Variants in PCSK9 observed in about 807,000 individuals in gnomAD.
PCSK9 encodes the protein convertase subtilisin/kexin type 9 preproprotein.
A neutral mutation model predicts 62.1 loss-of-function variants in PCSK9; 57 were observed. The observed-to-expected ratio is 0.92, with a 90% CI of 0.74 to 1.14. The LOEUF (loss-of-function observed/expected upper bound fraction) is 1.14, where lower values mean the gene tolerates loss of function less well. Among genes scored for constraint, PCSK9 ranks in the 50% most tolerant of loss-of-function variants. The pLI is 0.00. For missense variants in PCSK9, 870 were observed against 959.8 expected (o/e 0.91, Z 1.24); for synonymous variants, 387 against 409.4 (o/e 0.95, Z 0.66).
At chr1:55,060,510 C>T (rs1644751069) in intron 10 of PCSK9, among the ~76,000 whole-genome samples, 1 of 152,276 alleles carries the variant, frequency 6.6e-6, no homozygotes, top group African/African-American at 2.4e-5. Context: ...GAAAGATGAG[C>T]ATAGTCAGGT....
At position 55,058,107 on chromosome 1, in the gene PCSK9, T is replaced by C. The variant is rs1178332923; in HGVS notation, c.1252T>C (p.Phe418Leu). The stretch of plus-strand genomic sequence containing the variant: ...CGAGTTGAGGCAGAGACTGATCCAC[T>C]TCTCTGCCAAAGATGTCATCAATGA... ...LAELRQRLIH[F>L]SAKDVINEAW... is the part of the protein sequence containing the mutation. The change falls in exon 8 of 12, where the codon TTC (phenylalanine) becomes CTC (leucine). Residue 418 changes from phenylalanine (F) to leucine (L), a missense_variant. Phe to Leu is a conservative substitution (Grantham distance 22, BLOSUM62 0). Transcript: ENST00000302118. 1 of 1,613,514 alleles carries C rather than the reference T, an allele frequency of 6.2e-7. No individual in the cohort carries two copies. The highest frequency in any genetic ancestry group is 8.5e-7 in the Non-Finnish European group (1 of 1,180,012).
intron 3 of PCSK9, among the ~76,000 whole-genome samples, chr1:55,049,374 C>T (rs28362229): frequency 6.6e-6 from 1 of 152,226 alleles, no homozygotes; most frequent in African/African-American, 2.4e-5. Context: ...AGGCGTATGG[C>T]AGGGCTGCCT....
At chr1:55,050,106 C>G (rs1001127561) in intron 3 of PCSK9, among the ~76,000 whole-genome samples, 1 of 152,368 alleles carries the variant, frequency 6.6e-6, no homozygotes, top group East Asian at 1.9e-4. Context: ...TCTAGATAAG[C>G]CTGTATTCCC....
chr1:55,050,866 T>G, intron 3 of PCSK9: 1 of 317,488 alleles, frequency 3.1e-6, no homozygotes. Flanking sequence ...TCTTTGTAGA[T>G]GTAATTAAGC....
At position 55,046,797 on chromosome 1, in the gene PCSK9, A is replaced by C. The variant is rs1644638553; in HGVS notation, c.523+151A>C. On this transcript the variant is annotated intron_variant, in intron 3 of 11. Transcript: ENST00000302118. ...ACCCCTTTTTTTCTGTCCCATCCCC[A>C]TCCCCTGCAGCCCCCACTGCCTGCC... The C allele has an allele frequency of 2.0e-5, 17 of 833,464 alleles. No individual in the cohort carries two copies. The East Asian group carries it at 4.5e-4, about 22-fold the overall frequency. 51.6% of individuals were successfully genotyped at this position (833,464 alleles called of 1,614,324 possible). A position where few individuals can be genotyped will look rare whatever the true frequency, so the allele number is the denominator to read the frequency against.
rs1367103910 is a variant in PCSK9 at position 55,039,584 on chromosome 1, C to T, written c.-254C>T. 20 of 582,840 alleles carry T rather than the reference C, an allele frequency of 3.4e-5. No individual in the cohort carries two copies. The highest frequency in any genetic ancestry group is 5.2e-5 in the Non-Finnish European group (17 of 329,104). The allele number at this position is 582,840 out of a possible 1,614,324, so 36.1% of individuals were successfully genotyped here. On this transcript the variant is annotated 5_prime_UTR_variant, in exon 1 of 12. Coordinates refer to ENST00000302118, the MANE Select transcript of PCSK9 (RefSeq NM_174936.4). ...GGCGCTCATGGTTGCAGGCGGGCGC[C>T]GCCGTTCAGTTCAGGGTCTGAGCCT...
chr1:55,042,670 G>A (rs528201725), intron 1 of PCSK9, among the ~76,000 whole-genome samples: 1 of 152,332 alleles, frequency 6.6e-6, no homozygotes, highest in South Asian at 2.1e-4. Context: ...TCATGAGGCT[G>A]TGGGGAGCCA....
rs1644582740 is a variant in PCSK9, at chr1:55,039,701, G to T, written c.-137G>T. The T allele has an allele frequency of 4.9e-6, 5 of 1,020,720 alleles. No individual in the cohort carries two copies. The African/African-American group carries it at 8.0e-5, about 16-fold the overall frequency. 63.2% of individuals were successfully genotyped at this position (1,020,720 alleles called of 1,614,324 possible). ...CCAGCTCCCAGCCAGGATTCCGCGCGCCCCTTCACGCGCCCTGCTCCTGAA... is the reference window on the plus strand; with the variant it reads ...CCAGCTCCCAGCCAGGATTCCGCGCTCCCCTTCACGCGCCCTGCTCCTGAA... On this transcript the variant is annotated 5_prime_UTR_variant, in exon 1 of 12. Coordinates refer to ENST00000302118, the MANE Select transcript of PCSK9 (RefSeq NM_174936.4).
Position 55,063,488 on chromosome 1 carries a change from C to CA in PCSK9, c.1984dup (p.Ser662LysfsTer49). The stretch of plus-strand genomic sequence containing the variant: ...CGTGTGTAGTCAGGAGCCGGGACGT[C>CA]AGCACTACAGGCAGCACCAGCGAAG... On this transcript the variant is annotated frameshift_variant, in exon 12 of 12. Transcript: ENST00000302118. LOFTEE classifies it low-confidence loss of function (END_TRUNC). 1 of 1,613,986 alleles carries CA rather than the reference C, an allele frequency of 6.2e-7. No homozygotes were observed. The highest frequency in any genetic ancestry group is 8.5e-7 in the Non-Finnish European group (1 of 1,179,888).
chr1:55,050,334 A>G (rs2100289838), intron 3 of PCSK9, among the ~76,000 whole-genome samples: 1 of 152,286 alleles, frequency 6.6e-6, no homozygotes, highest in South Asian at 2.1e-4. Context: ...AGCCCAGCTC[A>G]ATATCTAGTG....
Position 55,064,496 on chromosome 1 carries a change from T to TAAC in PCSK9, c.*914_*916dup, listed in dbSNP as rs1279029711. The TAAC allele has an allele frequency of 1.3e-5, 2 of 152,112 alleles. No homozygotes were observed. The highest frequency in any genetic ancestry group is 4.8e-5 in the African/African-American group (2 of 41,386). The allele number at this position is 152,112 out of a possible 1,614,324, so 9.4% of individuals were successfully genotyped here. A position where few individuals can be genotyped will look rare whatever the true frequency, so the allele number is the denominator to read the frequency against. On this transcript the variant is annotated 3_prime_UTR_variant, in exon 12 of 12. Coordinates refer to ENST00000302118, the MANE Select transcript of PCSK9 (RefSeq NM_174936.4). ...CGGCTGGGCTCCTCATTTTTACGGG[T>TAAC]AACAGTGAGGCTGGGAAGGGGAACA...
intron 3 of PCSK9, chr1:55,050,860 T>C (rs532835056): frequency 9.4e-6 from 3 of 319,196 alleles, no homozygotes; most frequent in East Asian, 1.1e-4. Context: ...AAAAGGTCTT[T>C]GTAGATGTAA....
chr1:55,046,569 T>A lies in PCSK9; in HGVS notation c.446T>A (p.Val149Asp). The change falls in exon 3 of 12, where the codon GTC (valine) becomes GAC (aspartate). Residue 149 changes from valine (V) to aspartate (D), a missense_variant. Physicochemically the swap from Val to Asp is radical, Grantham distance 152. Coordinates refer to ENST00000302118, the MANE Select transcript of PCSK9 (RefSeq NM_174936.4). The stretch of plus-strand genomic sequence containing the variant: ...GACTACATCGAGGAGGACTCCTCTG[T>A]CTTTGCCCAGAGCATCCCGTGGAAC... ...HVDYIEEDSS[V>D]FAQSIPWNLE... 6.2e-7 allele frequency: 1 copy of A among 1,614,132 alleles called. No homozygotes were observed.
Position 55,059,649 on chromosome 1 carries a change from G to A in PCSK9, c.1667G>A (p.Gly556Asp). 2 of 1,550,900 alleles carry A rather than the reference G, an allele frequency of 1.3e-6. No homozygotes were observed. Among genetic ancestry groups the A allele is most frequent in the South Asian group, 2.4e-5 (2 of 84,044 alleles). ...MGTRVHCHQQ[G>D]HVLTGCSSHW... Reference sequence around the variant, plus strand: ...ACCCGTGTCCACTGCCACCAACAGGGCCACGTCCTCACAGGTAGGAGGCTG... The same window carrying A: ...ACCCGTGTCCACTGCCACCAACAGGACCACGTCCTCACAGGTAGGAGGCTG... Residue 556 changes from glycine to aspartate, a missense_variant, in exon 10 of 12, where the codon GGC becomes GAC. Transcript: ENST00000302118.
At position 55,063,825 on chromosome 1, in the gene PCSK9, G is replaced by T; in HGVS notation, c.*241G>T. Reference sequence around the variant, plus strand: ...CCAGGAAGCTCCCTCCCTCACTGTGGGGCATTTCACCATTCAAACAGGTCG... The same window carrying T: ...CCAGGAAGCTCCCTCCCTCACTGTGTGGCATTTCACCATTCAAACAGGTCG... On this transcript the variant is annotated 3_prime_UTR_variant, in exon 12 of 12. Coordinates refer to ENST00000302118, the MANE Select transcript of PCSK9 (RefSeq NM_174936.4). The T allele has an allele frequency of 1.7e-6, 1 of 582,728 alleles. No individual in the cohort carries two copies. Among genetic ancestry groups the T allele is most frequent in the Non-Finnish European group, 3.1e-6 (1 of 327,842 alleles). The allele number at this position is 582,728 out of a possible 1,614,324, so 36.1% of individuals were successfully genotyped here.
At position 55,063,572 on chromosome 1, in the gene PCSK9, G is replaced by C. The variant is rs779635493; in HGVS notation, c.2067G>C (p.Gln689His). ...GCCGGCACCTGGCGCAGGCCTCCCA[G>C]GAGCTCCAGTGACAGCCCCATCCCA... is the stretch of plus-strand genomic sequence containing the variant. ...CRSRHLAQAS[Q>H]ELQ is the part of the protein sequence containing the mutation. Residue 689 changes from glutamine (Q) to histidine (H), a missense_variant, in exon 12 of 12, where the codon CAG becomes CAC. Transcript: ENST00000302118. 3 of 1,611,976 alleles carry C rather than the reference G, an allele frequency of 1.9e-6. No individual in the cohort carries two copies. Among genetic ancestry groups the C allele is most frequent in the Non-Finnish European group, 2.5e-6 (3 of 1,179,772 alleles).
intron 6 of PCSK9, among the ~76,000 whole-genome samples, chr1:55,056,577 T>G (rs1295638611): frequency 2.0e-5 from 3 of 152,204 alleles, no homozygotes; most frequent in Admixed American, 2.0e-4. Flanking sequence ...GCCTCCCTGT[T>G]GTCCAGCTCT....
At position 55,052,301 on chromosome 1, in the gene PCSK9, T is replaced by C. The variant is rs1336428560; in HGVS notation, c.547T>C (p.Tyr183His). 6 of 1,613,758 alleles carry C rather than the reference T, an allele frequency of 3.7e-6. No homozygotes were observed. The African/African-American group carries it at 6.7e-5, about 18-fold the overall frequency. The change falls in exon 4 of 12, where the codon TAT becomes CAT. Residue 183 changes from tyrosine (Y) to histidine (H), a missense_variant. Coordinates refer to ENST00000302118, the MANE Select transcript of PCSK9 (RefSeq NM_174936.4). ...PPDGGSLVEV[Y>H]LLDTSIQSDH... ...AGACGGAGGCAGCCTGGTGGAGGTG[T>C]ATCTCCTAGACACCAGCATACAGAG... is the stretch of plus-strand genomic sequence containing the variant.
intron 11 of PCSK9, 30 bp from the exon 12 acceptor site, chr1:55,063,339 A>G (rs1288757636): frequency 1.9e-6 from 3 of 1,609,352 alleles, no homozygotes; most frequent in Non-Finnish European, 2.5e-6. Context: ...CACGCTAGAC[A>G]TGTGCTTTCT....
Sources: gnomAD v4.1 joint callset for allele counts (sites outside exome capture counted in the v4.1 genomes callset) on GRCh38, gnomAD v4.1.1 for gene constraint, MANE v1.5 for transcripts, NCBI Gene and HGNC (gene_info 2026-07-23, HGNC 2026-07-21) for gene names.